The following MRPL45 variants were observed in gnomAD, a reference collection of about 807,000 sequenced individuals.
MRPL45 encodes the protein mitochondrial ribosomal protein L45.
A neutral mutation model predicts 38.1 loss-of-function variants in MRPL45; 20 were observed. The observed-to-expected ratio is 0.53, with a 90% CI of 0.37 to 0.76. The LOEUF (loss-of-function observed/expected upper bound fraction) is 0.76. MRPL45 is among the 30% of genes least tolerant of loss of function. The probability of loss-of-function intolerance (pLI) is 0.00; values close to 1 mark genes in which losing one functional copy is unlikely to be tolerated. For missense variants in MRPL45, 337 were observed against 395.6 expected (o/e 0.85, Z 1.26); for synonymous variants, 105 against 128.8 (o/e 0.82, Z 1.25).
At chr17:38,302,284 C>T (rs556441151) in intron 3 of MRPL45, among the ~76,000 whole-genome samples, 4 of 151,494 alleles carry the variant, frequency 2.6e-5, no homozygotes, top group Non-Finnish European at 2.9e-5. Flanking sequence ...GTCGGGAGTT[C>T]GAGACCAGCC....
intron 4 of MRPL45, among the ~76,000 whole-genome samples, chr17:38,315,982 C>T (rs1328676999): frequency 1.3e-5 from 2 of 152,082 alleles, no homozygotes; most frequent in Non-Finnish European, 2.9e-5. Context: ...ACCCTGTTGA[C>T]CAGGCTGGTC....
chr17:38,310,960 A>C (rs1384438211), intron 4 of MRPL45, among the ~76,000 whole-genome samples: 2 of 152,146 alleles, frequency 1.3e-5, no homozygotes, highest in Non-Finnish European at 2.9e-5. Flanking sequence ...AATCTAAGAC[A>C]ATCATTTATT....
chr17:38,321,426 C>T (rs902425614), intron 6 of MRPL45, among the ~76,000 whole-genome samples: 3 of 152,226 alleles, frequency 2.0e-5, no homozygotes, highest in African/African-American at 7.2e-5. Context: ...GGCACAGTAA[C>T]TCATGCCTGT....
chr17:38,316,786 T>A (rs2037178007), intron 4 of MRPL45, among the ~76,000 whole-genome samples: 2 of 151,594 alleles, frequency 1.3e-5, no homozygotes, highest in Non-Finnish European at 2.9e-5. Context: ...TTTGTCTGTT[T>A]TACATTTTAT....
chr17:38,317,666 G>C (rs1246562772), intron 4 of MRPL45, among the ~76,000 whole-genome samples: 2 of 151,916 alleles, frequency 1.3e-5, no homozygotes, highest in African/African-American at 4.8e-5. Context: ...CCGCCTCCCG[G>C]GTTCATGCCA....
At chr17:38,304,966 T>C in intron 3 of MRPL45, among the ~76,000 whole-genome samples, 1 of 151,510 alleles carries the variant, frequency 6.6e-6, no homozygotes, top group East Asian at 2.0e-4. Context: ...TCTGCCTCAG[T>C]CTCCCGAGTA....
intron 3 of MRPL45, 143 bp downstream of exon 3, chr17:38,299,611 T>G: frequency 1.7e-6 from 1 of 575,174 alleles, no homozygotes; most frequent in Non-Finnish European, 3.0e-6. Context: ...TGTACTAGAG[T>G]CTGTATTTAA....
Position 38,319,045 on chromosome 17 carries a change from ATTT to A in MRPL45, c.510+311_510+313del, listed in dbSNP as rs2037204854. Among the ~76,000 whole-genome samples, 3 of 137,376 alleles carry A rather than the reference ATTT, an allele frequency of 2.2e-5. No homozygotes were observed. The Admixed American group carries it at 2.2e-4, about 10-fold the overall frequency. 90.1% of individuals were successfully genotyped at this position (137,376 alleles called of 152,430 possible). ...TATTTATTTATTTATTTATTTATTT[ATTT>A]ATTTTGAGATGGAGTCTCGCTCTGT... On this transcript the variant is annotated intron_variant, in intron 5 of 7. Transcript: ENST00000613675.
rs533501492 is a variant in MRPL45, at chr17:38,298,769, T to C, written c.244+143T>C. The C allele has an allele frequency of 1.0e-5, 11 of 1,068,934 alleles. No individual in the cohort carries two copies. In the African/African-American group the frequency reaches 1.6e-4, roughly 15 times the overall value. The allele number at this position is 1,068,934 out of a possible 1,614,324, so 66.2% of individuals were successfully genotyped here. On this transcript the variant is annotated intron_variant, in intron 2 of 7. Coordinates refer to ENST00000613675, the MANE Select transcript of MRPL45 (RefSeq NM_032351.6). ...ATAATGATTAACCTTATATACACTA[T>C]ATATCATGAAGTTGTTCTTTGAACT...
chr17:38,320,652 G>T lies in MRPL45; in HGVS notation c.545G>T (p.Arg182Leu). ...TGGGACATCAAATATAAGACCGTCC[G>T]CTGGAGCTTTGTGGAATCTTTAGAG... is the stretch of plus-strand genomic sequence containing the variant. ...MTWDIKYKTV[R>L]WSFVESLEPS... The change falls in exon 6 of 8, where the codon CGC becomes CTC. Residue 182 changes from arginine to leucine, a missense_variant. Arg to Leu is a moderately radical substitution (Grantham distance 102). Transcript: ENST00000613675. 13 of 1,614,108 alleles carry T rather than the reference G, an allele frequency of 8.1e-6. No individual in the cohort carries two copies. The highest frequency in any genetic ancestry group is 1.1e-5 in the Non-Finnish European group (13 of 1,180,036).
chr17:38,301,403 G>C (rs570982155), intron 3 of MRPL45, among the ~76,000 whole-genome samples: 2 of 152,106 alleles, frequency 1.3e-5, no homozygotes, highest in Non-Finnish European at 2.9e-5. Context: ...ACCACGTCTG[G>C]CTAATTTTGT....
intron 4 of MRPL45, among the ~76,000 whole-genome samples, chr17:38,307,915 T>C (rs1389198990): frequency 6.6e-6 from 1 of 151,970 alleles, no homozygotes; most frequent in Non-Finnish European, 1.5e-5. Context: ...CTTGTTTTTG[T>C]TTTTTGTTTT....
intron 3 of MRPL45, 138 bp from the exon 4 acceptor site, chr17:38,306,395 C>G: frequency 1.1e-6 from 1 of 904,844 alleles, no homozygotes; most frequent in East Asian, 3.1e-5. Context: ...GGTGACAGAG[C>G]GAGACTCAAA....
chr17:38,319,287 G>C (rs2037207880), intron 5 of MRPL45, among the ~76,000 whole-genome samples: 1 of 151,884 alleles, frequency 6.6e-6, no homozygotes, highest in African/African-American at 2.4e-5. Context: ...CGGCCACCTC[G>C]GCTTCCCAAA....
chr17:38,318,577 C>T lies in MRPL45; in HGVS notation c.462-110C>T, dbSNP rs536283136. On this transcript the variant is annotated intron_variant, in intron 4 of 7. Transcript: ENST00000613675. ...TATACCTGGCTTATACTAGATGTGC[C>T]GAAAACATTTGTAAAAATGAATTGT... The T allele has an allele frequency of 5.2e-4, 420 of 808,532 alleles. 2 individuals carry two copies. The highest frequency in any genetic ancestry group is 2.3e-3 in the Admixed American group (124 of 54,706). 50.1% of individuals were successfully genotyped at this position (808,532 alleles called of 1,614,324 possible). A position where few individuals can be genotyped will look rare whatever the true frequency, so the allele number is the denominator to read the frequency against.
At position 38,312,751 on chromosome 17, in the gene MRPL45, G is replaced by A. The variant is rs547558654; in HGVS notation, c.462-5936G>A. Among the ~76,000 whole-genome samples, 3 of 151,940 alleles carry A rather than the reference G, an allele frequency of 2.0e-5. No homozygotes were observed. In the East Asian group the frequency reaches 5.8e-4, roughly 29 times the overall value. On this transcript the variant is annotated intron_variant, in intron 4 of 7. Transcript: ENST00000613675. ...CCCAGCTATTTGAGGTGCTAAGGCA[G>A]AAGGATTGCTTGAGCTCAGGGATTT...
In MRPL45 at chr17:38,300,010, G is replaced by A. The variant is rs529599300; in HGVS notation, c.362+542G>A. 3.9e-5 allele frequency among the ~76,000 whole-genome samples: 6 copies of A among 152,060 alleles called. No homozygotes were observed. The South Asian group carries it at 1.2e-3, about 32-fold the overall frequency. Reference sequence around the variant, plus strand: ...CCGCCTTGGCCTCCCAAAGTGCTGGGATTACAGGTGAGAGCCACCACGCCC... The same window carrying A: ...CCGCCTTGGCCTCCCAAAGTGCTGGAATTACAGGTGAGAGCCACCACGCCC... On this transcript the variant is annotated intron_variant, in intron 3 of 7. Transcript: ENST00000613675.
intron 3 of MRPL45, among the ~76,000 whole-genome samples, chr17:38,305,520 G>A (rs1439441487): frequency 3.3e-5 from 5 of 149,586 alleles, no homozygotes; most frequent in Non-Finnish European, 5.9e-5. Flanking sequence ...TTTTTGAGAT[G>A]GAGTCTCGCT....
At chr17:38,314,225 C>G (rs565950117) in intron 4 of MRPL45, among the ~76,000 whole-genome samples, 8 of 152,232 alleles carry the variant, frequency 5.3e-5, no homozygotes, top group Middle Eastern at 3.4e-3. Context: ...CTGCCTCAGC[C>G]TCCTGAGTAG....
Sources: gnomAD v4.1 joint callset for allele counts (sites outside exome capture counted in the v4.1 genomes callset) on GRCh38, gnomAD v4.1.1 for gene constraint, MANE v1.5 for transcripts, NCBI Gene and HGNC (gene_info 2026-07-23, HGNC 2026-07-21) for gene names.